Variants in MARCHF3 observed in about 807,000 individuals in gnomAD.
MARCHF3 encodes the protein membrane associated ring-CH-type finger 3.
In MARCHF3, 13 loss-of-function variants were observed where a neutral mutation model predicts 24.2. The observed-to-expected ratio is 0.54, with a 90% CI of 0.35 to 0.85. The LOEUF is 0.85. MARCHF3 is among the 40% of genes least tolerant of loss of function. MARCHF3 has a pLI of 0.01. For missense variants in MARCHF3, 276 were observed against 325.0 expected (o/e 0.85, Z 1.16); for synonymous variants, 144 against 137.3 (o/e 1.05, Z -0.34).
At chr5:126,911,245 G>C (rs185618135) in intron 3 of MARCHF3, among the ~76,000 whole-genome samples, 1 of 152,120 alleles carries the variant, frequency 6.6e-6, no homozygotes, top group African/African-American at 2.4e-5. Flanking sequence ...ACCTTGTGAA[G>C]CATGTGATCT....
chr5:126,972,165 T>C (rs574422370), intron 1 of MARCHF3, among the ~76,000 whole-genome samples: 1 of 150,344 alleles, frequency 6.7e-6, no homozygotes, highest in East Asian at 2.0e-4. Flanking sequence ...CCAACATTTA[T>C]AATACAAAGT....
chr5:127,005,773 A>G (rs79830851), intron 1 of MARCHF3, among the ~76,000 whole-genome samples: 1 of 152,192 alleles, frequency 6.6e-6, no homozygotes, highest in African/African-American at 2.4e-5. Context: ...TTAAGTATGC[A>G]TGTCATGTTC....
At chr5:126,932,726 G>T (rs1171049120) in intron 1 of MARCHF3, among the ~76,000 whole-genome samples, 1 of 152,094 alleles carries the variant, frequency 6.6e-6, no homozygotes, top group Admixed American at 6.5e-5. Flanking sequence ...GGCTTCAAGG[G>T]GTAAAATACG....
chr5:126,985,600 C>G (rs1355702236), intron 1 of MARCHF3, among the ~76,000 whole-genome samples: 1 of 151,838 alleles, frequency 6.6e-6, no homozygotes, highest in African/African-American at 2.4e-5. Flanking sequence ...TCCCGAATAG[C>G]TGGGACTACA....
rs760620380 is a variant in MARCHF3, at chr5:126,943,977, A to AT, written c.-56-25751dup. ...AGGCGGCCGCCATCACGCCCAGCTA[A>AT]TTTTTTTGTATTTTTAATAGAGACA... On this transcript the variant is annotated intron_variant, in intron 1 of 4. Coordinates refer to ENST00000308660, the MANE Select transcript of MARCHF3 (RefSeq NM_178450.5). Among the ~76,000 whole-genome samples, 8 of 151,966 alleles carry AT rather than the reference A, an allele frequency of 5.3e-5. No individual in the cohort carries two copies. The East Asian group carries it at 5.8e-4, about 11-fold the overall frequency.
At chr5:126,877,873 G>A (rs923101108) in intron 4 of MARCHF3, among the ~76,000 whole-genome samples, 2 of 152,178 alleles carry the variant, frequency 1.3e-5, no homozygotes, top group African/African-American at 4.8e-5. Flanking sequence ...AAAATGCCAA[G>A]ACTCATAACA....
At chr5:126,994,983 C>A (rs917740803) in intron 1 of MARCHF3, among the ~76,000 whole-genome samples, 1 of 152,248 alleles carries the variant, frequency 6.6e-6, no homozygotes, top group Non-Finnish European at 1.5e-5. Flanking sequence ...GAAGACTCAG[C>A]AAGTCAAGTC....
chr5:126,985,491 A>G, intron 1 of MARCHF3, among the ~76,000 whole-genome samples: 1 of 143,892 alleles, frequency 6.9e-6, no homozygotes, highest in African/African-American at 2.6e-5. Flanking sequence ...TTTTTTTGAG[A>G]CGGAGTCTCA....
intron 3 of MARCHF3, among the ~76,000 whole-genome samples, chr5:126,902,187 A>C (rs1432127775): frequency 2.0e-5 from 3 of 152,130 alleles, no homozygotes; most frequent in African/African-American, 7.2e-5. Flanking sequence ...GGGATGAATC[A>C]GTGAAGACCA....
At chr5:126,926,371 G>A (rs923673659) in intron 1 of MARCHF3, among the ~76,000 whole-genome samples, 2 of 152,032 alleles carry the variant, frequency 1.3e-5, no homozygotes, top group Non-Finnish European at 2.9e-5. Flanking sequence ...GCACTTTCAG[G>A]CCCACAAGGA....
chr5:127,009,691 C>G (rs1752420002), intron 1 of MARCHF3, among the ~76,000 whole-genome samples: 1 of 152,122 alleles, frequency 6.6e-6, no homozygotes, highest in Admixed American at 6.6e-5. Context: ...CAACCCCAAC[C>G]AGCCAACACT....
chr5:126,961,577 AT>A (rs1468213812), intron 1 of MARCHF3, among the ~76,000 whole-genome samples: 1 of 152,176 alleles, frequency 6.6e-6, no homozygotes, highest in East Asian at 1.9e-4. Context: ...TACTGAATTT[AT>A]TTCATTAGTC....
intron 3 of MARCHF3, among the ~76,000 whole-genome samples, chr5:126,905,410 T>C: frequency 6.9e-6 from 1 of 144,802 alleles, no homozygotes. Flanking sequence ...TTGGGCAGTA[T>C]GGCCATTTTC....
intron 1 of MARCHF3, among the ~76,000 whole-genome samples, chr5:126,938,528 T>C (rs1166170748): frequency 2.0e-5 from 3 of 148,152 alleles, no homozygotes. Flanking sequence ...AGTTAACATG[T>C]AGGGCAAAAA....
intron 1 of MARCHF3, among the ~76,000 whole-genome samples, chr5:126,927,616 C>T (rs1254529974): frequency 1.3e-5 from 2 of 152,192 alleles, no homozygotes; most frequent in Admixed American, 1.3e-4. Flanking sequence ...GGAGTGCTGG[C>T]TCCATCTGGA....
chr5:126,875,853 T>C (rs1370275902), intron 4 of MARCHF3, among the ~76,000 whole-genome samples: 4 of 152,244 alleles, frequency 2.6e-5, no homozygotes, highest in Non-Finnish European at 2.9e-5. Flanking sequence ...CAATAACCGA[T>C]TGACCTAGCG....
chr5:126,928,631 TAG>T (rs1433556811), intron 1 of MARCHF3, among the ~76,000 whole-genome samples: 2 of 152,192 alleles, frequency 1.3e-5, no homozygotes, highest in Non-Finnish European at 2.9e-5. Context: ...AAGTGTCAAA[TAG>T]AACATGATAG....
chr5:126,940,053 G>A (rs1458678956), intron 1 of MARCHF3, among the ~76,000 whole-genome samples: 4 of 152,128 alleles, frequency 2.6e-5, no homozygotes, highest in Non-Finnish European at 5.9e-5. Flanking sequence ...TGTGGAAAAT[G>A]TGGCACTAAG....
intron 1 of MARCHF3, among the ~76,000 whole-genome samples, chr5:127,020,437 T>C (rs184732652): frequency 6.6e-6 from 1 of 152,360 alleles, no homozygotes; most frequent in Admixed American, 6.5e-5. Context: ...TGTTATGGTC[T>C]AAATATTTAT....
Sources: allele counts gnomAD v4.1 joint callset (sites outside exome capture counted in the v4.1 genomes callset), GRCh38; gene constraint gnomAD v4.1.1; transcripts MANE v1.5; gene names NCBI Gene and HGNC (gene_info 2026-07-23, HGNC 2026-07-21).